The following MYBPC2 variants were observed in gnomAD, a reference collection of about 807,000 sequenced individuals.
MYBPC2 encodes the protein myosin-binding protein C, fast-type.
MYBPC2 carries 122 observed loss-of-function variants against 137.0 expected under a neutral mutation model. The observed-to-expected ratio is 0.89, with a 90% confidence interval of 0.77 to 1.03. The LOEUF is 1.03. Among genes scored for constraint, MYBPC2 ranks in the 50% least tolerant of loss-of-function variants. MYBPC2 has a pLI of 0.00. For missense variants in MYBPC2, 1,500 were observed against 1,534.4 expected (o/e 0.98, Z 0.37); for synonymous variants, 626 against 612.3 (o/e 1.02, Z -0.33).
intron 14 of MYBPC2, 113 bp downstream of exon 14, chr19:50,451,048 C>T (rs1306174510): frequency 9.3e-7 from 1 of 1,077,132 alleles, no homozygotes; most frequent in Non-Finnish European, 1.4e-6. Context: ...ATGAGGACGA[C>T]AGCAAGCGTC....
At chr19:50,436,806 G>C in intron 5 of MYBPC2, 72 bp downstream of exon 5, 1 of 1,415,236 alleles carries the variant, frequency 7.1e-7, no homozygotes. Flanking sequence ...CCAGCCAGGT[G>C]TTGGGAGAGT....
In MYBPC2 at chr19:50,445,969, T is replaced by C; in HGVS notation, c.1223T>C (p.Phe408Ser). ...KKDGKRHILI[F>S]SDVVQEDRGR... ...GACGGGAAGCGCCACATCCTCATCT[T>C]CTCAGACGTGGTCCAGGAGGACAGG... Residue 408 changes from phenylalanine (F) to serine (S), a missense_variant, in exon 12 of 28, where the codon TTC becomes TCC. Transcript: ENST00000357701. 6.2e-7 allele frequency: 1 copy of C among 1,613,198 alleles called. No homozygotes were observed.
chr19:50,434,921 C>T (rs2039687784), intron 1 of MYBPC2, among the ~76,000 whole-genome samples: 1 of 151,914 alleles, frequency 6.6e-6, no homozygotes, highest in South Asian at 2.1e-4. Context: ...TAAGGGAAAC[C>T]CGATCCCACA....
At position 50,461,484 on chromosome 19, in the gene MYBPC2, T is replaced by C. The variant is rs1233550693; in HGVS notation, c.2932-58T>C. 16 of 1,539,880 alleles carry C rather than the reference T, an allele frequency of 1.0e-5. No homozygotes were observed. The African/African-American group carries it at 1.9e-4, about 18-fold the overall frequency. On this transcript the variant is annotated intron_variant, in intron 24 of 27. Transcript: ENST00000357701. ...CCCCTTCTTTCGTCTGTGTCTTGTG[T>C]GTAATCGTGTGATCCTGTGGCCCCG...
intron 12 of MYBPC2, 73 bp downstream of exon 12, chr19:50,446,125 C>T: frequency 6.7e-7 from 1 of 1,503,290 alleles, no homozygotes; most frequent in Admixed American, 2.1e-5. Context: ...TGCTCAGGCC[C>T]CCCAGTCTGG....
intron 24 of MYBPC2, among the ~76,000 whole-genome samples, chr19:50,461,096 C>G (rs767879994): frequency 8.6e-5 from 13 of 151,926 alleles, no homozygotes; most frequent in Non-Finnish European, 1.9e-4. Context: ...CTCCAACCCG[C>G]AGGTTCAGGC....
intron 11 of MYBPC2, among the ~76,000 whole-genome samples, chr19:50,445,293 A>T (rs10405793): frequency 0.39 from 59,813 of 151,738 alleles, 11,887 homozygotes; most frequent in African/African-American, 0.45. Flanking sequence ...ACCTCTCCCC[A>T]TGACATCTTT....
Position 50,440,988 on chromosome 19 carries a change from G to A in MYBPC2, c.681G>A (p.Glu227=). Residue 227 remains glutamate (E), a synonymous_variant, in exon 8 of 28, where the codon GAG becomes GAA. Coordinates refer to ENST00000357701, the MANE Select transcript of MYBPC2 (RefSeq NM_004533.4). ...LLKGAKKSEY[E]KIAFQYGITD... Reference sequence around the variant, plus strand: ...AAGGGGCAAAGAAGAGCGAGTACGAGAAAATCGCCTTCCAGTATGGCATCA... The same window carrying A: ...AAGGGGCAAAGAAGAGCGAGTACGAAAAAATCGCCTTCCAGTATGGCATCA... 6.2e-7 allele frequency: 1 copy of A among 1,613,394 alleles called. No individual in the cohort carries two copies. The highest frequency in any genetic ancestry group is 1.1e-5 in the South Asian group (1 of 90,918).
chr19:50,452,536 C>CTATCTATG (rs1167975960), intron 16 of MYBPC2, among the ~76,000 whole-genome samples: 2 of 148,222 alleles, frequency 1.3e-5, no homozygotes, highest in African/African-American at 5.2e-5. Context: ...ATCTATCTAT[C>CTATCTATG]TATGTATCTA....
chr19:50,460,412 C>A (rs964889099), intron 24 of MYBPC2, among the ~76,000 whole-genome samples: 1 of 152,158 alleles, frequency 6.6e-6, no homozygotes, highest in Non-Finnish European at 1.5e-5. Context: ...TTAAAGCGAA[C>A]AATTCAGCAG....
chr19:50,453,016 G>A (rs997475293), intron 16 of MYBPC2, among the ~76,000 whole-genome samples: 1 of 152,156 alleles, frequency 6.6e-6, no homozygotes, highest in African/African-American at 2.4e-5. Flanking sequence ...TGCTCACTCA[G>A]CGTACATCCC....
Position 50,435,271 on chromosome 19 carries a change from G to A in MYBPC2, c.109+21G>A. The A allele has an allele frequency of 3.3e-6, 3 of 904,996 alleles. No homozygotes were observed. Among genetic ancestry groups the A allele is most frequent in the South Asian group, 1.4e-5 (1 of 71,742 alleles). 56.1% of individuals were successfully genotyped at this position (904,996 alleles called of 1,614,324 possible). A position where few individuals can be genotyped will look rare whatever the true frequency, so the allele number is the denominator to read the frequency against. ...CAAAGGTGAGGAGGTGCTCCCTCGG[G>A]CTCAACCGACCTGGCTTCTCATCTC... is the stretch of plus-strand genomic sequence containing the variant. On this transcript the variant is annotated intron_variant, in intron 2 of 27. Transcript: ENST00000357701. This position sits in a 1 kb window ranked among gnomAD's most constrained non-coding sequence, Gnocchi z 4.8.
In MYBPC2 at chr19:50,451,983, A is replaced by G; in HGVS notation, c.1729A>G (p.Thr577Ala). 2 of 1,552,858 alleles carry G rather than the reference A, an allele frequency of 1.3e-6. No homozygotes were observed. Among genetic ancestry groups the G allele is most frequent in the Non-Finnish European group, 1.7e-6 (2 of 1,147,466 alleles). ...SITGEPPPVA[T>A]WLKGDEVFTT... is the part of the protein sequence containing the mutation. ...CACAGGGGAGCCCCCTCCCGTCGCT[A>G]CCTGGCTGAAGGGAGATGAGGTGGG... The change falls in exon 16 of 28, where the codon ACC becomes GCC. Residue 577 changes from threonine (T) to alanine (A), a missense_variant. Transcript: ENST00000357701.
In MYBPC2 at chr19:50,454,008, GGCT is replaced by G. The variant is rs1205761676; in HGVS notation, c.1750-9_1750-7del. Reference sequence around the variant, plus strand: ...ACGATGGGGTGCAAGGCCATCTGGTGGCTGCGTTCAGGTATTCACGACCACCGA... The same window carrying G: ...ACGATGGGGTGCAAGGCCATCTGGTGGCGTTCAGGTATTCACGACCACCGA... On this transcript the variant is annotated splice_polypyrimidine_tract_variant and intron_variant, in intron 16 of 27. Coordinates refer to ENST00000357701, the MANE Select transcript of MYBPC2 (RefSeq NM_004533.4). 6.3e-7 allele frequency: 1 copy of G among 1,582,996 alleles called. No individual in the cohort carries two copies. Among genetic ancestry groups the G allele is most frequent in the Non-Finnish European group, 8.6e-7 (1 of 1,166,412 alleles).
chr19:50,449,854 G>A (rs1447460509), intron 13 of MYBPC2, among the ~76,000 whole-genome samples: 1 of 152,104 alleles, frequency 6.6e-6, no homozygotes, highest in Non-Finnish European at 1.5e-5. Flanking sequence ...CCGGCTGGTG[G>A]TCTCAGTAAT....
chr19:50,462,768 C>T (rs1468173660), intron 26 of MYBPC2, among the ~76,000 whole-genome samples: 1 of 151,232 alleles, frequency 6.6e-6, no homozygotes, highest in Non-Finnish European at 1.5e-5. Context: ...GTAGAGACGG[C>T]GTTTTGCTGA....
At chr19:50,460,388 A>T (rs778736957) in intron 24 of MYBPC2, among the ~76,000 whole-genome samples, 16 of 152,138 alleles carry the variant, frequency 1.1e-4, no homozygotes, top group Admixed American at 5.2e-4. Flanking sequence ...TAACGGAATT[A>T]GTCATTCATC....
rs765409494 is a variant in MYBPC2 at position 50,451,326 on chromosome 19, G to C, written c.1609+17G>C. 2 of 1,613,246 alleles carry C rather than the reference G, an allele frequency of 1.2e-6. No individual in the cohort carries two copies. The highest frequency in any genetic ancestry group is 1.7e-6 in the Non-Finnish European group (2 of 1,179,766). On this transcript the variant is annotated intron_variant, in intron 15 of 27. Coordinates refer to ENST00000357701, the MANE Select transcript of MYBPC2 (RefSeq NM_004533.4). ...CCAAGCAAGGTGAGCACCACGGGCTGCGCTGGGAGCGGGTCTGAGGGAGGA... is the reference window on the plus strand; with the variant it reads ...CCAAGCAAGGTGAGCACCACGGGCTCCGCTGGGAGCGGGTCTGAGGGAGGA...
At position 50,435,006 on chromosome 19, in the gene MYBPC2, G is replaced by C. The variant is rs933013510; in HGVS notation, c.20-155G>C. ...TTGGGTCTGAGGGAGGAGGGGCTGG[G>C]GGCCTGGACTCCTGGGTCTGAGGGA... On this transcript the variant is annotated intron_variant, in intron 1 of 27. Transcript: ENST00000357701. The surrounding 1 kb of genome is among the most constrained non-coding windows in gnomAD (Gnocchi z 4.8). Among the ~76,000 whole-genome samples, 41 of 138,570 alleles carry C rather than the reference G, an allele frequency of 3.0e-4. No individual in the cohort carries two copies. The highest frequency in any genetic ancestry group is 1.3e-3 in the African/African-American group (40 of 30,240). 90.9% of individuals were successfully genotyped at this position (138,570 alleles called of 152,430 possible). A position where few individuals can be genotyped will look rare whatever the true frequency, so the allele number is the denominator to read the frequency against.
Sources: allele counts gnomAD v4.1 joint callset (sites outside exome capture counted in the v4.1 genomes callset), GRCh38; gene constraint gnomAD v4.1.1; non-coding constraint Gnocchi (gnomAD v3.1); transcripts MANE v1.5; gene names NCBI Gene and HGNC (gene_info 2026-07-23, HGNC 2026-07-21).